The following ARHGAP10 variants were observed in gnomAD, a reference collection of about 807,000 sequenced individuals.
ARHGAP10 encodes Rho GTPase activating protein 10.
In ARHGAP10, 87 loss-of-function variants were observed where a neutral mutation model predicts 108.6. That is an observed-to-expected ratio of 0.80 (90% confidence interval 0.67 to 0.96). ARHGAP10 has a LOEUF of 0.96. Ranked by LOEUF, ARHGAP10 falls within the 40% of genes least tolerant of loss-of-function variation. The pLI, the probability that ARHGAP10 is intolerant of heterozygous loss-of-function variation, is 0.00. For missense variants in ARHGAP10, 939 were observed against 954.5 expected (o/e 0.98, Z 0.21); for synonymous variants, 347 against 341.1 (o/e 1.02, Z -0.19).
At chr4:147,827,928 C>T (rs62330695) in intron 3 of ARHGAP10, among the ~76,000 whole-genome samples, 113,215 of 151,962 alleles carry the variant, frequency 0.75, 46,283 homozygotes, top group Non-Finnish European at 0.91. Context: ...GCCTCAGCCT[C>T]CTGAGTAGCG....
At chr4:147,775,214 A>G (rs77618404) in intron 1 of ARHGAP10, among the ~76,000 whole-genome samples, 2,933 of 152,256 alleles carry the variant, frequency 0.019, 41 homozygotes, top group Non-Finnish European at 0.03. Context: ...CACCGGCCTG[A>G]TGGTCATTAA....
In ARHGAP10 at chr4:147,982,961, G is replaced by A. The variant is rs1418332620; in HGVS notation, c.1716+16122G>A. On this transcript the variant is annotated intron_variant, in intron 18 of 22. Coordinates refer to ENST00000336498, the MANE Select transcript of ARHGAP10 (RefSeq NM_024605.4). ...ACTGGTATAATCACAGCTCATTGCAGCCTCGACTTTCTGGGTTCAGGTGAT... is the reference window on the plus strand; with the variant it reads ...ACTGGTATAATCACAGCTCATTGCAACCTCGACTTTCTGGGTTCAGGTGAT... Among the ~76,000 whole-genome samples the A allele has an allele frequency of 5.3e-5, 8 of 150,950 alleles. No homozygotes were observed. In the East Asian group the frequency reaches 5.9e-4, roughly 11 times the overall value.
chr4:147,815,085 T>C lies in ARHGAP10; in HGVS notation c.155-7642T>C, dbSNP rs746990920. 6.6e-5 allele frequency among the ~76,000 whole-genome samples: 10 copies of C among 152,280 alleles called. 1 individual carries two copies. The South Asian group carries it at 8.3e-4, about 13-fold the overall frequency. On this transcript the variant is annotated intron_variant, in intron 1 of 22. Transcript: ENST00000336498. ...TTCTGAGTCTCACTAGGTGTTGGCA[T>C]AGTTACCAGAAAATCCTTAAAGGAC...
intron 3 of ARHGAP10, among the ~76,000 whole-genome samples, chr4:147,824,398 T>C (rs1732622991): frequency 6.6e-6 from 1 of 152,066 alleles, no homozygotes; most frequent in Non-Finnish European, 1.5e-5. Context: ...ATAGTGTAAG[T>C]GTATGAGTGG....
At chr4:147,818,178 T>A (rs1388228443) in intron 1 of ARHGAP10, among the ~76,000 whole-genome samples, 1 of 151,228 alleles carries the variant, frequency 6.6e-6, no homozygotes, top group African/African-American at 2.4e-5. Flanking sequence ...TTTTTTTTTT[T>A]AAAGGTAACA....
intron 10 of ARHGAP10, among the ~76,000 whole-genome samples, chr4:147,899,843 A>G (rs1374305802): frequency 1.3e-5 from 2 of 150,806 alleles, no homozygotes; most frequent in Non-Finnish European, 2.9e-5. Context: ...CCTTCTCATA[A>G]TAAAATGTAG....
At position 148,071,850 on chromosome 4, in the gene ARHGAP10, C is replaced by T. The variant is rs545128861; in HGVS notation, c.2273-143C>T. ...CAGGGAGGCAGAGCCTGTCAATGAC[C>T]CTGGTGCAGACTTTGTGACCCAACA... is the stretch of plus-strand genomic sequence containing the variant. On this transcript the variant is annotated intron_variant, in intron 22 of 22. Coordinates refer to ENST00000336498, the MANE Select transcript of ARHGAP10 (RefSeq NM_024605.4). 1.2e-5 allele frequency: 8 copies of T among 646,192 alleles called. No homozygotes were observed. The African/African-American group carries it at 1.3e-4, about 10-fold the overall frequency. The allele number at this position is 646,192 out of a possible 1,614,324, so 40.0% of individuals were successfully genotyped here. A position where few individuals can be genotyped will look rare whatever the true frequency, so the allele number is the denominator to read the frequency against.
In ARHGAP10 at chr4:147,998,778, C is replaced by T. The variant is rs192078730; in HGVS notation, c.1717-24485C>T. On this transcript the variant is annotated intron_variant, in intron 18 of 22. Coordinates refer to ENST00000336498, the MANE Select transcript of ARHGAP10 (RefSeq NM_024605.4). ...ATTTACATTAATTCGTGATACCATA[C>T]TTCAATGAAACAGAAATTGTAGCTA... Among the ~76,000 whole-genome samples, 526 of 152,312 alleles carry T rather than the reference C, an allele frequency of 3.5e-3. 4 individuals carry two copies. The highest frequency in any genetic ancestry group is 0.02 in the Middle Eastern group (6 of 294).
At chr4:147,905,968 T>C (rs944547613) in intron 10 of ARHGAP10, among the ~76,000 whole-genome samples, 15 of 152,300 alleles carry the variant, frequency 9.8e-5, no homozygotes, top group Non-Finnish European at 1.0e-4. Context: ...AAGTTGGATT[T>C]CTAGGTATTT....
At chr4:148,012,923 G>GTTT in intron 18 of ARHGAP10, among the ~76,000 whole-genome samples, 2 of 133,074 alleles carry the variant, frequency 1.5e-5, no homozygotes, top group Admixed American at 7.0e-5. Context: ...GTATCTGTCT[G>GTTT]GTTTTTTTTT....
chr4:147,953,914 G>A (rs1368649786), intron 15 of ARHGAP10, among the ~76,000 whole-genome samples: 1 of 151,608 alleles, frequency 6.6e-6, no homozygotes, highest in East Asian at 1.9e-4. Flanking sequence ...TGTCATCTTA[G>A]TACTGCTTTA....
intron 18 of ARHGAP10, among the ~76,000 whole-genome samples, chr4:147,975,066 T>C (rs72724389): frequency 0.017 from 2,592 of 152,326 alleles, 32 homozygotes; most frequent in Non-Finnish European, 0.029. Context: ...CTTTATGTAT[T>C]ACAGTTTTTG....
intron 18 of ARHGAP10, among the ~76,000 whole-genome samples, chr4:147,971,255 A>G (rs1739395599): frequency 3.3e-5 from 5 of 152,152 alleles, no homozygotes. Context: ...TGAGTTTTGC[A>G]TAAGTTCTGT....
At chr4:147,910,752 A>G (rs1736698217) in intron 12 of ARHGAP10, among the ~76,000 whole-genome samples, 1 of 152,144 alleles carries the variant, frequency 6.6e-6, no homozygotes, top group Non-Finnish European at 1.5e-5. Flanking sequence ...CATATTTGGA[A>G]AAATTAAGCT....
At chr4:147,745,922 G>T (rs1728898067) in intron 1 of ARHGAP10, among the ~76,000 whole-genome samples, 1 of 151,496 alleles carries the variant, frequency 6.6e-6, no homozygotes, top group African/African-American at 2.4e-5. Flanking sequence ...GAGTAGCTGG[G>T]ATTACCGGTG....
At chr4:147,766,614 A>C (rs1450403429) in intron 1 of ARHGAP10, among the ~76,000 whole-genome samples, 1 of 141,110 alleles carries the variant, frequency 7.1e-6, no homozygotes, top group Admixed American at 7.1e-5. Flanking sequence ...GTATATGTGT[A>C]TGTATACACA....
chr4:147,824,412 T>C (rs1263074636), intron 3 of ARHGAP10, among the ~76,000 whole-genome samples: 2 of 152,188 alleles, frequency 1.3e-5, no homozygotes, highest in African/African-American at 4.8e-5. Context: ...TGAGTGGGTC[T>C]AGATGTGGTA....
intron 1 of ARHGAP10, among the ~76,000 whole-genome samples, chr4:147,812,670 A>G (rs1031072927): frequency 6.6e-6 from 1 of 152,198 alleles, no homozygotes. Flanking sequence ...TTACAAGGAC[A>G]TTGTAAAGAA....
chr4:147,944,655 AC>A (rs1738301261), intron 14 of ARHGAP10, among the ~76,000 whole-genome samples: 1 of 152,212 alleles, frequency 6.6e-6, no homozygotes, highest in Admixed American at 6.5e-5. Context: ...CTCTATGAAG[AC>A]AAATACAGTA....
Sources: allele counts gnomAD v4.1 joint callset (sites outside exome capture counted in the v4.1 genomes callset), GRCh38; gene constraint gnomAD v4.1.1; transcripts MANE v1.5; gene names NCBI Gene and HGNC (gene_info 2026-07-23, HGNC 2026-07-21).